Variants in BCAT1 observed in about 807,000 individuals in gnomAD.
The protein encoded by BCAT1 is branched chain amino acid transaminase 1.
Under a neutral mutation model 52.4 loss-of-function variants are expected in BCAT1, and 48 were observed. The ratio of observed to expected loss-of-function variants is 0.92; its 90% CI spans 0.73 to 1.16. The LOEUF (loss-of-function observed/expected upper bound fraction) is 1.16. Among genes scored for constraint, BCAT1 ranks in the 50% most tolerant of loss-of-function variants. The pLI, the probability that BCAT1 is intolerant of heterozygous loss-of-function variation, is 0.00. For synonymous variants in BCAT1, 167 were observed against 161.3 expected (o/e 1.04, Z -0.27); for missense variants, 451 against 457.1 (o/e 0.99, Z 0.12).
chr12:24,864,265 G>A (rs1236560842), intron 5 of BCAT1, among the ~76,000 whole-genome samples: 1 of 152,134 alleles, frequency 6.6e-6, no homozygotes, highest in African/African-American at 2.4e-5. Context: ...TGACCTTGTG[G>A]TTATATCCAG....
chr12:24,825,633 A>AT (rs958785674), intron 10 of BCAT1, among the ~76,000 whole-genome samples: 2 of 152,116 alleles, frequency 1.3e-5, no homozygotes, highest in African/African-American at 4.8e-5. Context: ...TCTTTTATCC[A>AT]TTTTTAATCA....
At chr12:24,938,479 T>C (rs1221838082) in intron 1 of BCAT1, among the ~76,000 whole-genome samples, 4 of 151,970 alleles carry the variant, frequency 2.6e-5, no homozygotes, top group African/African-American at 7.3e-5. Flanking sequence ...GTGAAGGTGA[T>C]GGGGACAATG....
chr12:24,870,086 A>G (rs1033494741), intron 5 of BCAT1, among the ~76,000 whole-genome samples: 1 of 152,084 alleles, frequency 6.6e-6, no homozygotes, highest in Non-Finnish European at 1.5e-5. Context: ...GATGAATTGT[A>G]GAACCCTGGA....
intron 1 of BCAT1, chr12:24,902,099 C>T (rs1943121108): frequency 2.0e-6 from 3 of 1,471,408 alleles, no homozygotes; most frequent in African/African-American, 1.4e-5. Context: ...GCCGGGGTCG[C>T]GGCGGTTTTT....
At chr12:24,837,676 T>C (rs7955672) in intron 7 of BCAT1, among the ~76,000 whole-genome samples, 70,335 of 151,552 alleles carry the variant, frequency 0.46, 16,626 homozygotes, top group East Asian at 0.64. Context: ...ATCTGCCCAC[T>C]TCGGCCTCCC....
intron 5 of BCAT1, among the ~76,000 whole-genome samples, chr12:24,866,700 A>G (rs1035944404): frequency 1.3e-5 from 2 of 152,220 alleles, no homozygotes; most frequent in Non-Finnish European, 2.9e-5. Flanking sequence ...TTGTAAATAC[A>G]TCAATCAACA....
intron 1 of BCAT1, among the ~76,000 whole-genome samples, chr12:24,922,441 A>T (rs1372920385): frequency 6.6e-6 from 1 of 152,212 alleles, no homozygotes; most frequent in Non-Finnish European, 1.5e-5. Flanking sequence ...CATATTTTTC[A>T]TACTTAAAAC....
intron 1 of BCAT1, among the ~76,000 whole-genome samples, chr12:24,924,442 C>T (rs72640137): frequency 0.16 from 24,759 of 151,944 alleles, 2,738 homozygotes; most frequent in South Asian, 0.37. Flanking sequence ...GAAATGGTGG[C>T]GACCACCTTC....
chr12:24,823,759 G>C (rs900602679), intron 10 of BCAT1, among the ~76,000 whole-genome samples: 1 of 152,104 alleles, frequency 6.6e-6, no homozygotes, highest in Non-Finnish European at 1.5e-5. Flanking sequence ...CGCCATGACT[G>C]TAAGTTTCCT....
chr12:24,944,187 T>C (rs1943900317), intron 1 of BCAT1, among the ~76,000 whole-genome samples: 1 of 152,192 alleles, frequency 6.6e-6, no homozygotes, highest in Non-Finnish European at 1.5e-5. Context: ...CATGTAGACT[T>C]CGCAGCTGTC....
chr12:24,841,181 G>A (rs975715988), intron 7 of BCAT1, among the ~76,000 whole-genome samples: 1 of 152,190 alleles, frequency 6.6e-6, no homozygotes, highest in African/African-American at 2.4e-5. Flanking sequence ...CCAGGATCTA[G>A]TTACAATCCC....
Position 24,849,829 on chromosome 12 carries a change from C to T in BCAT1, c.631G>A (p.Val211Ile). 5.0e-6 allele frequency: 8 copies of T among 1,613,750 alleles called. No homozygotes were observed. Among genetic ancestry groups the T allele is most frequent in the Non-Finnish European group, 6.8e-6 (8 of 1,179,704 alleles). The change falls in exon 6 of 11, where the codon GTA becomes ATA. Residue 211 changes from valine (V) to isoleucine (I), a missense_variant. Physicochemically the swap from Val to Ile is conservative, Grantham distance 29 (BLOSUM62 3). Coordinates refer to ENST00000261192, the MANE Select transcript of BCAT1 (RefSeq NM_005504.7). ...PVSLWANPKYVRAWKGGTGDC... is the reference protein window; with the variant it reads ...PVSLWANPKYIRAWKGGTGDC... ...CCAGTTCCACCTTTCCAGGCTCTTA[C>T]ATACTTGGGATTGGCCCACAGGGAC...
rs71448094 is a variant in BCAT1 at position 24,898,520 on chromosome 12, C to CTTTTTTTTTTTTTTTTT, written c.78+3277_78+3293dup. ...TGTTTCAGCCAGGGTTCAGTCAACA[C>CTTTTTTTTTTTTTTTTT]TTTTTTTTTTTTTTTTTTTTTTTTT... On this transcript the variant is annotated intron_variant, in intron 2 of 10. Transcript: ENST00000261192. 2.2e-3 allele frequency among the ~76,000 whole-genome samples: 86 copies of CTTTTTTTTTTTTTTTTT among 38,530 alleles called. 28 individuals carry two copies. The highest frequency in any genetic ancestry group is 3.5e-3 in the East Asian group (3 of 866). 25.3% of individuals were successfully genotyped at this position (38,530 alleles called of 152,430 possible). A position where few individuals can be genotyped will look rare whatever the true frequency, so the allele number is the denominator to read the frequency against.
chr12:24,942,976 G>A (rs989846384), intron 1 of BCAT1, among the ~76,000 whole-genome samples: 1 of 152,164 alleles, frequency 6.6e-6, no homozygotes. Context: ...AAATGGCAGC[G>A]TGAAGCTTCT....
intron 5 of BCAT1, among the ~76,000 whole-genome samples, chr12:24,860,708 T>C (rs781699776): frequency 2.5e-4 from 38 of 152,330 alleles, no homozygotes; most frequent in South Asian, 1.0e-3. Context: ...TGGGAAAAGC[T>C]GGCCTCATAC....
intron 1 of BCAT1, among the ~76,000 whole-genome samples, chr12:24,912,944 G>A (rs1184533264): frequency 6.6e-6 from 1 of 152,170 alleles, no homozygotes; most frequent in Non-Finnish European, 1.5e-5. Flanking sequence ...AATTTTATGT[G>A]ACACGAGAGC....
chr12:24,832,487 G>A (rs961856014), intron 9 of BCAT1, among the ~76,000 whole-genome samples: 3 of 152,096 alleles, frequency 2.0e-5, no homozygotes, highest in South Asian at 2.1e-4. Flanking sequence ...GAAGGATTGC[G>A]TGAGCCCAGG....
At chr12:24,897,849 C>T (rs951095697) in intron 2 of BCAT1, among the ~76,000 whole-genome samples, 3 of 152,014 alleles carry the variant, frequency 2.0e-5, no homozygotes, top group East Asian at 1.9e-4. Flanking sequence ...CTACCGCGCC[C>T]GGCATATATC....
Position 24,912,702 on chromosome 12 carries a change from A to T in BCAT1, c.7-10817T>A, listed in dbSNP as rs939754048. On this transcript the variant is annotated intron_variant, in intron 1 of 10. Transcript: ENST00000261192. ...CAACACAGTGAGACCCCATCTCTAAAAAAAAAAAAAAAAAATGGAGAACGT... is the reference window on the plus strand; with the variant it reads ...CAACACAGTGAGACCCCATCTCTAATAAAAAAAAAAAAAAATGGAGAACGT... 1.3e-4 allele frequency among the ~76,000 whole-genome samples: 9 copies of T among 71,802 alleles called. No individual in the cohort carries two copies. The South Asian group carries it at 1.3e-3, about 10-fold the overall frequency. The allele number at this position is 71,802 out of a possible 152,430, so 47.1% of individuals were successfully genotyped here.
Sources: allele counts gnomAD v4.1 joint callset (sites outside exome capture counted in the v4.1 genomes callset), GRCh38; gene constraint gnomAD v4.1.1; transcripts MANE v1.5; gene names NCBI Gene and HGNC (gene_info 2026-07-23, HGNC 2026-07-21).